The following ATP13A4 variants were observed in gnomAD, a reference collection of about 807,000 sequenced individuals.
The protein encoded by ATP13A4 is ATPase 13A4, also known as probable cation-transporting ATPase 13A4.
Under a neutral mutation model 142.5 loss-of-function variants are expected in ATP13A4, and 114 were observed. The observed-to-expected ratio is 0.80, with a 90% CI of 0.69 to 0.93. ATP13A4 has a LOEUF of 0.93. Ranked by LOEUF, ATP13A4 falls within the 40% of genes least tolerant of loss-of-function variation. The pLI is 0.00. For missense variants in ATP13A4, 1,392 were observed against 1,454.0 expected, an observed-to-expected ratio of 0.96 and a Z score of 0.69; for synonymous variants, 488 against 514.8, an observed-to-expected ratio of 0.95 and a Z score of 0.70.
At chr3:193,409,532 C>T (rs1714662863) in intron 28 of ATP13A4, among the ~76,000 whole-genome samples, 1 of 152,172 alleles carries the variant, frequency 6.6e-6, no homozygotes, top group Non-Finnish European at 1.5e-5. Context: ...TGACATTCAA[C>T]TCACCACATC....
chr3:193,459,027 T>C, intron 14 of ATP13A4, 54 bp downstream of exon 14: 2 of 1,603,372 alleles, frequency 1.2e-6, no homozygotes, highest in Non-Finnish European at 1.7e-6. Context: ...ATATTGCCTA[T>C]GTTGCTCTGG....
In ATP13A4 at chr3:193,441,559, G is replaced by A. The variant is rs1427384529; in HGVS notation, c.2346C>T (p.Val782=). Residue 782 remains valine, a synonymous_variant, in exon 20 of 30, where the codon GTC becomes GTT. Transcript: ENST00000342695. ...QDNYINIRDE[V]SDKGREGSYH... ...AACTTCCTTCTCTGCCTTTATCAGA[G>A]ACTTCATCCCTGATGTTAATGTAAT... The A allele has an allele frequency of 1.2e-6, 2 of 1,613,312 alleles. No individual in the cohort carries two copies. The highest frequency in any genetic ancestry group is 1.1e-5 in the South Asian group (1 of 91,062).
chr3:193,579,187 G>T lies in ATP13A4; in HGVS notation n.291+2520C>A, dbSNP rs117236585. ...GCTGGTCTCAAATTTCCAAACAGAG[G>T]TATCAATGGTGAGTAATATCACATT... is the stretch of plus-strand genomic sequence containing the variant. On this transcript the variant is annotated intron_variant and non_coding_transcript_variant, in intron 2 of 3. Coordinates refer to the ATP13A4 transcript ENST00000489140. 3.0e-3 allele frequency: 466 copies of T among 157,382 alleles called. 4 individuals are homozygous for T. Among genetic ancestry groups the T allele is most frequent in the South Asian group, 0.018 (92 of 5,210 alleles). 9.7% of individuals were successfully genotyped at this position (157,382 alleles called of 1,614,324 possible).
intron 24 of ATP13A4, among the ~76,000 whole-genome samples, chr3:193,434,846 G>C (rs1158889373): frequency 1.3e-5 from 2 of 152,112 alleles, no homozygotes; most frequent in Admixed American, 1.3e-4. Context: ...TTTGTGGTAT[G>C]ATATGCCAGT....
At chr3:193,418,298 A>G (rs1257745411) in intron 25 of ATP13A4, among the ~76,000 whole-genome samples, 43 of 146,336 alleles carry the variant, frequency 2.9e-4, no homozygotes, top group South Asian at 8.6e-4. Flanking sequence ...CAGCCTGGGC[A>G]ACAGCGAGAC....
intron 25 of ATP13A4, among the ~76,000 whole-genome samples, chr3:193,415,069 G>A (rs764918372): frequency 2.0e-5 from 3 of 152,102 alleles, no homozygotes; most frequent in Non-Finnish European, 4.4e-5. Flanking sequence ...CCTTCTGCAG[G>A]GCAATTTGGC....
Position 193,439,077 on chromosome 3 carries a change from C to T in ATP13A4, c.2520-12G>A. 6.3e-7 allele frequency: 1 copy of T among 1,597,884 alleles called. No individual in the cohort carries two copies. The highest frequency in any genetic ancestry group is 2.2e-5 in the East Asian group (1 of 44,788). On this transcript the variant is annotated splice_polypyrimidine_tract_variant and intron_variant, in intron 21 of 29. Transcript: ENST00000342695. ...TACCTACAAAGTAACTAAGAGGGAA[C>T]CACATTAATTGTAGATGAGATCAAA...
intron 6 of ATP13A4, among the ~76,000 whole-genome samples, chr3:193,490,530 G>A (rs114076049): frequency 2.8e-4 from 43 of 152,302 alleles, no homozygotes; most frequent in African/African-American, 1.0e-3. Flanking sequence ...AACACTGTGC[G>A]AGAGAGTAGC....
At chr3:193,561,963 G>A (rs1402341962) in intron 2 of ATP13A4, among the ~76,000 whole-genome samples, 1 of 152,198 alleles carries the variant, frequency 6.6e-6, no homozygotes, top group Non-Finnish European at 1.5e-5. Flanking sequence ...GGGAAATGGA[G>A]TCCAATCCTC....
At chr3:193,561,436 A>G (rs1724014640) in intron 2 of ATP13A4, among the ~76,000 whole-genome samples, 1 of 152,216 alleles carries the variant, frequency 6.6e-6, no homozygotes, top group African/African-American at 2.4e-5. Context: ...TTTCATCAGC[A>G]AGTAAGATGC....
At chr3:193,493,846 C>A (rs576763330) in intron 3 of ATP13A4, among the ~76,000 whole-genome samples, 4 of 152,030 alleles carry the variant, frequency 2.6e-5, no homozygotes, top group Non-Finnish European at 4.4e-5. Flanking sequence ...AGTGCCCAGT[C>A]ATTTTCCTTT....
intron 7 of ATP13A4, among the ~76,000 whole-genome samples, chr3:193,487,997 C>T (rs1472920442): frequency 6.6e-6 from 1 of 152,170 alleles, no homozygotes; most frequent in African/African-American, 2.4e-5. Flanking sequence ...GGCACGGTGG[C>T]TCACGCCTGT....
chr3:193,517,015 A>G (rs1272747871), intron 1 of ATP13A4, among the ~76,000 whole-genome samples: 9 of 151,300 alleles, frequency 5.9e-5, no homozygotes, highest in Non-Finnish European at 1.2e-4. Flanking sequence ...CACTAAGCAC[A>G]TGATACATAT....
At chr3:193,589,180 A>ATG (rs748201347) in intron 1 of ATP13A4, among the ~76,000 whole-genome samples, 476 of 151,338 alleles carry the variant, frequency 3.1e-3, no homozygotes, top group Non-Finnish European at 4.1e-3. Flanking sequence ...ATATATATAT[A>ATG]TGTGTGTGTG....
At position 193,443,169 on chromosome 3, in the gene ATP13A4, T is replaced by C. The variant is rs141270548; in HGVS notation, c.2153-613A>G. On this transcript the variant is annotated intron_variant, in intron 18 of 29. Transcript: ENST00000342695. Reference sequence around the variant, plus strand: ...AACTCCAAAAGACACCCAGTCTTTCTGGCCAGAAGAGCCAGGAAAAGGGAC... The same window carrying C: ...AACTCCAAAAGACACCCAGTCTTTCCGGCCAGAAGAGCCAGGAAAAGGGAC... 5.7e-3 allele frequency among the ~76,000 whole-genome samples: 869 copies of C among 152,256 alleles called. 11 individuals carry two copies. The highest frequency in any genetic ancestry group is 0.02 in the African/African-American group (834 of 41,538).
At chr3:193,518,585 G>A (rs965500005) in intron 1 of ATP13A4, among the ~76,000 whole-genome samples, 8 of 152,112 alleles carry the variant, frequency 5.3e-5, no homozygotes, top group Admixed American at 5.2e-4. Context: ...TTGTGGTGAT[G>A]GGTTCAGCAC....
intron 13 of ATP13A4, among the ~76,000 whole-genome samples, 156 bp downstream of exon 13, chr3:193,462,606 G>A (rs552358818): frequency 2.0e-5 from 3 of 152,228 alleles, no homozygotes; most frequent in Non-Finnish European, 4.4e-5. Context: ...AGGCTTTGAA[G>A]AATTAAAGAT....
intron 1 of ATP13A4, among the ~76,000 whole-genome samples, chr3:193,534,215 G>A (rs766677449): frequency 1.3e-5 from 2 of 152,196 alleles, no homozygotes; most frequent in Non-Finnish European, 2.9e-5. Flanking sequence ...TAATGAGGCA[G>A]TGCCATATTC....
At chr3:193,490,787 G>C in intron 6 of ATP13A4, among the ~76,000 whole-genome samples, 1 of 152,084 alleles carries the variant, frequency 6.6e-6, no homozygotes, top group East Asian at 1.9e-4. Context: ...GAGGAGTCGA[G>C]AGAGAGCACA....
Sources: gnomAD v4.1 joint callset for allele counts (sites outside exome capture counted in the v4.1 genomes callset) on GRCh38, gnomAD v4.1.1 for gene constraint, MANE v1.5 for transcripts, NCBI Gene and HGNC (gene_info 2026-07-23, HGNC 2026-07-21) for gene names.